Variants in MYCBP2 observed in about 807,000 individuals in gnomAD.
MYCBP2 encodes the protein E3 ubiquitin-protein ligase MYCBP2.
A neutral mutation model predicts 525.3 loss-of-function variants in MYCBP2; 120 were observed. The observed-to-expected ratio is 0.23, with a 90% CI of 0.20 to 0.27. MYCBP2 has a LOEUF of 0.27. MYCBP2 is among the 10% of genes least tolerant of loss of function. The pLI is 1.00. For synonymous variants in MYCBP2, 1,894 were observed against 1,955.8 expected, an observed-to-expected ratio of 0.97 and a Z score of 0.83; for missense variants, 4,149 against 5,657.1, an observed-to-expected ratio of 0.73 and a Z score of 8.55.
intron 33 of MYCBP2, among the ~76,000 whole-genome samples, chr13:77,181,346 T>C (rs1467208147): frequency 6.6e-6 from 1 of 152,130 alleles, no homozygotes; most frequent in Non-Finnish European, 1.5e-5. Context: ...TGTTCTATCT[T>C]AGAAATCTAA....
At chr13:77,087,858 G>A in intron 61 of MYCBP2, 1 of 345,180 alleles carries the variant, frequency 2.9e-6, no homozygotes, top group Non-Finnish European at 5.2e-6. Context: ...ATGGCTCACT[G>A]CAGCCTCAAG....
At chr13:77,185,040 T>G in intron 32 of MYCBP2, 63 bp downstream of exon 32, 1 of 1,429,042 alleles carries the variant, frequency 7.0e-7, no homozygotes, top group Non-Finnish European at 9.6e-7. Context: ...TGCAATTTAT[T>G]TTCTTGAAGA....
chr13:77,300,332 T>A (rs1265081428), intron 1 of MYCBP2, among the ~76,000 whole-genome samples: 2 of 152,236 alleles, frequency 1.3e-5, no homozygotes, highest in African/African-American at 2.4e-5. Context: ...ACAAGATCTC[T>A]GTTGCAACTA....
In MYCBP2 at chr13:77,058,917, G is replaced by A. The variant is rs1291770619; in HGVS notation, c.13141-511C>T. ...GGAGAATCGCTTGAACCCGGGAGGC[G>A]GAGGTTGCAGTGAGCCGAGATCGTG... On this transcript the variant is annotated intron_variant, in intron 77 of 82. Transcript: ENST00000544440. This position sits in a 1 kb window ranked among gnomAD's most constrained non-coding sequence, Gnocchi z 4.1. Among the ~76,000 whole-genome samples, 5 of 152,158 alleles carry A rather than the reference G, an allele frequency of 3.3e-5. No individual in the cohort carries two copies. Among genetic ancestry groups the A allele is most frequent in the Non-Finnish European group, 2.9e-5 (2 of 67,986 alleles).
intron 43 of MYCBP2, among the ~76,000 whole-genome samples, chr13:77,162,400 T>C (rs971647907): frequency 3.3e-5 from 5 of 152,228 alleles, no homozygotes; most frequent in African/African-American, 1.2e-4. Flanking sequence ...ATTTTCTCCT[T>C]TATTAGTTAA....
intron 36 of MYCBP2, among the ~76,000 whole-genome samples, chr13:77,174,879 C>T (rs2059463385): frequency 1.0e-4 from 1 of 9,530 alleles, no homozygotes; most frequent in African/African-American, 2.8e-4. Context: ...CTTAATTTTA[C>T]TGCTAGAATA....
chr13:77,158,652 T>G (rs1420003945), intron 44 of MYCBP2, among the ~76,000 whole-genome samples: 1 of 152,164 alleles, frequency 6.6e-6, no homozygotes, highest in Admixed American at 6.5e-5. Flanking sequence ...CTTGCTATGT[T>G]GCCCAGGCTG....
chr13:77,061,874 A>C (rs1378289260), intron 74 of MYCBP2, 84 bp from the exon 75 acceptor site: 4 of 1,336,650 alleles, frequency 3.0e-6, no homozygotes, highest in South Asian at 1.7e-5. Context: ...TATTTACAAA[A>C]ATAAACCGTT....
At chr13:77,168,349 G>T in intron 40 of MYCBP2, 79 bp downstream of exon 40, 1 of 1,188,400 alleles carries the variant, frequency 8.4e-7, no homozygotes. Context: ...GTAAATACAG[G>T]CCAGGCATTC....
chr13:77,217,330 T>C (rs970482832), intron 21 of MYCBP2, among the ~76,000 whole-genome samples: 1 of 152,184 alleles, frequency 6.6e-6, no homozygotes, highest in African/African-American at 2.4e-5. Flanking sequence ...TTTTCACTCT[T>C]TAAGCTTTGG....
chr13:77,267,588 G>A (rs1218378817), intron 8 of MYCBP2, among the ~76,000 whole-genome samples: 1 of 151,954 alleles, frequency 6.6e-6, no homozygotes, highest in East Asian at 1.9e-4. Context: ...GCAGTGGTGG[G>A]GTGAGGTCAG....
At chr13:77,171,735 G>T in intron 37 of MYCBP2, 101 bp from the exon 38 acceptor site, 1 of 1,186,874 alleles carries the variant, frequency 8.4e-7, no homozygotes, top group Non-Finnish European at 1.2e-6. Flanking sequence ...TTAATTTATA[G>T]CTTTTTAAAA....
At chr13:77,164,734 A>G (rs1398157432) in intron 42 of MYCBP2, among the ~76,000 whole-genome samples, 193 bp from the exon 43 acceptor site, 2 of 152,226 alleles carry the variant, frequency 1.3e-5, no homozygotes, top group East Asian at 3.8e-4. Context: ...GTTCAGGTTT[A>G]AAGGTTCATT....
intron 32 of MYCBP2, among the ~76,000 whole-genome samples, chr13:77,184,271 T>G (rs1484293694): frequency 6.6e-6 from 1 of 152,260 alleles, no homozygotes; most frequent in Non-Finnish European, 1.5e-5. Context: ...TGCTGTCATT[T>G]TCCAAATGTT....
intron 14 of MYCBP2, among the ~76,000 whole-genome samples, chr13:77,255,851 C>T (rs1383399521): frequency 6.6e-6 from 1 of 151,860 alleles, no homozygotes; most frequent in African/African-American, 2.4e-5. Flanking sequence ...AGCATTAATC[C>T]TCGAAATTAT....
chr13:77,261,108 T>G (rs1201452441), intron 12 of MYCBP2, 63 bp downstream of exon 12: 7 of 1,327,894 alleles, frequency 5.3e-6, no homozygotes. Flanking sequence ...CTTAATAAAG[T>G]TTTATTTTTA....
intron 26 of MYCBP2, among the ~76,000 whole-genome samples, chr13:77,196,285 C>T (rs773304457): frequency 6.6e-6 from 1 of 152,158 alleles, no homozygotes; most frequent in Non-Finnish European, 1.5e-5. Context: ...GTGATGACAG[C>T]CAGTTCTGAT....
At chr13:77,210,357 T>A (rs965386612) in intron 23 of MYCBP2, among the ~76,000 whole-genome samples, 1 of 152,018 alleles carries the variant, frequency 6.6e-6, no homozygotes, top group Non-Finnish European at 1.5e-5. Flanking sequence ...CACGCCCGGC[T>A]AATTTTTCGT....
chr13:77,240,635 A>G (rs1037732828), intron 17 of MYCBP2, among the ~76,000 whole-genome samples: 3 of 152,058 alleles, frequency 2.0e-5, no homozygotes, highest in Non-Finnish European at 4.4e-5. Context: ...AAACAAACAA[A>G]CAAAACATAC....
Sources: gnomAD v4.1 joint callset for allele counts (sites outside exome capture counted in the v4.1 genomes callset) on GRCh38, gnomAD v4.1.1 for gene constraint, Gnocchi (gnomAD v3.1) non-coding constraint, MANE v1.5 for transcripts, NCBI Gene and HGNC (gene_info 2026-07-23, HGNC 2026-07-21) for gene names.